Variants in EDEM3 observed in about 807,000 individuals in gnomAD.
EDEM3 encodes the protein ER degradation-enhancing alpha-mannosidase-like protein 3.
Under a neutral mutation model 110.2 loss-of-function variants are expected in EDEM3, and 60 were observed. The ratio of observed to expected loss-of-function variants is 0.54; its 90% CI spans 0.44 to 0.67. EDEM3 has a LOEUF of 0.67. Among genes scored for constraint, EDEM3 ranks in the 30% least tolerant of loss-of-function variants. The pLI, the probability that EDEM3 is intolerant of heterozygous loss-of-function variation, is 0.00. For synonymous variants in EDEM3, 352 were observed against 382.9 expected, an observed-to-expected ratio of 0.92 and a Z score of 0.94; for missense variants, 996 against 1,121.0, an observed-to-expected ratio of 0.89 and a Z score of 1.59.
chr1:184,750,488 C>CA (rs1652696267), intron 1 of EDEM3, among the ~76,000 whole-genome samples: 1 of 151,250 alleles, frequency 6.6e-6, no homozygotes, highest in Non-Finnish European at 1.5e-5. Context: ...CAAAGGAAAA[C>CA]ACAGCTTAAC....
chr1:184,720,558 GGA>G (rs1650841675), intron 9 of EDEM3: 1 of 143,480 alleles, frequency 7.0e-6, no homozygotes, highest in African/African-American at 2.7e-5. Context: ...CGCCCAGGCT[GGA>G]GTGCAGTGGC....
In EDEM3 at chr1:184,708,815, T is replaced by C. The variant is rs548816279; in HGVS notation, c.1846-471A>G. On this transcript the variant is annotated intron_variant, in intron 16 of 19. Transcript: ENST00000318130. ...GAGACAGTCCTTTAAGAAATTTGTG[T>C]CTGGAGGAGAAAGACATGTAAAGTT... is the stretch of plus-strand genomic sequence containing the variant. Among the ~76,000 whole-genome samples the C allele has an allele frequency of 1.4e-4, 22 of 152,342 alleles. No individual in the cohort carries two copies. The South Asian group carries it at 4.6e-3, about 32-fold the overall frequency.
intron 18 of EDEM3, among the ~76,000 whole-genome samples, chr1:184,704,581 T>C (rs575287564): frequency 1.1e-4 from 13 of 120,106 alleles, no homozygotes; most frequent in African/African-American, 4.2e-4. Context: ...AACCTAGAGG[T>C]GGAGGTTGTA....
Position 184,691,401 on chromosome 1 carries a change from A to G in EDEM3, c.*2662T>C, listed in dbSNP as rs1001986340. 1.3e-5 allele frequency: 2 copies of G among 152,506 alleles called. No individual in the cohort carries two copies. The highest frequency in any genetic ancestry group is 4.8e-5 in the African/African-American group (2 of 41,454). The allele number at this position is 152,506 out of a possible 1,614,324, so 9.4% of individuals were successfully genotyped here. A position where few individuals can be genotyped will look rare whatever the true frequency, so the allele number is the denominator to read the frequency against. On this transcript the variant is annotated 3_prime_UTR_variant, in exon 20 of 20. Coordinates refer to ENST00000318130, the MANE Select transcript of EDEM3 (RefSeq NM_025191.4). Reference sequence around the variant, plus strand: ...TAAATACTTGCTCTAATATCTCTTAAAGGATTTCAGCTAAAATCCTTGATT... The same window carrying G: ...TAAATACTTGCTCTAATATCTCTTAGAGGATTTCAGCTAAAATCCTTGATT...
At position 184,723,865 on chromosome 1, in the gene EDEM3, TAA is replaced by T. The variant is rs71101940; in HGVS notation, c.748-11_748-10del. Reference sequence around the variant, plus strand: ...GCTTTTCTGGCATATTCCTGTAATTTAAAAAAAAAAAAAAAAAAAAGAAGTGC... The same window carrying T: ...GCTTTTCTGGCATATTCCTGTAATTTAAAAAAAAAAAAAAAAAAGAAGTGC... On this transcript the variant is annotated splice_polypyrimidine_tract_variant and intron_variant, in intron 7 of 19. Transcript: ENST00000318130. 0.019 allele frequency: 20,347 copies of T among 1,072,490 alleles called. No homozygotes were observed. Among genetic ancestry groups the T allele is most frequent in the South Asian group, 0.033 (1,666 of 50,788 alleles). 66.4% of individuals were successfully genotyped at this position (1,072,490 alleles called of 1,614,324 possible).
rs71101940 is a variant in EDEM3, at chr1:184,723,865, T to TAA, written c.748-11_748-10dup. ...GCTTTTCTGGCATATTCCTGTAATT[T>TAA]AAAAAAAAAAAAAAAAAAAAGAAGT... On this transcript the variant is annotated splice_polypyrimidine_tract_variant and intron_variant, in intron 7 of 19. Coordinates refer to ENST00000318130, the MANE Select transcript of EDEM3 (RefSeq NM_025191.4). The TAA allele has an allele frequency of 0.051, 54,889 of 1,081,314 alleles. 783 individuals are homozygous for TAA. The highest frequency in any genetic ancestry group is 0.17 in the African/African-American group (8,526 of 50,626). 67.0% of individuals were successfully genotyped at this position (1,081,314 alleles called of 1,614,324 possible).
chr1:184,749,402 C>T (rs544844009), intron 2 of EDEM3, 145 bp downstream of exon 2: 7 of 636,692 alleles, frequency 1.1e-5, no homozygotes, highest in South Asian at 8.1e-5. Context: ...AAAACCACTA[C>T]CAGAAAGACT....
At chr1:184,703,043 A>G in intron 18 of EDEM3, 47 bp from the exon 19 acceptor site, 1 of 1,449,060 alleles carries the variant, frequency 6.9e-7, no homozygotes, top group African/African-American at 1.4e-5. Flanking sequence ...CCAGCCATTA[A>G]AAAGATCTAT....
At chr1:184,736,877 A>G in intron 4 of EDEM3, 148 bp downstream of exon 4, 1 of 616,922 alleles carries the variant, frequency 1.6e-6, no homozygotes. Flanking sequence ...CATCAACTCA[A>G]CAGTGTAAAA....
At chr1:184,704,697 T>G (rs1649820236) in intron 18 of EDEM3, among the ~76,000 whole-genome samples, 1 of 108,976 alleles carries the variant, frequency 9.2e-6, no homozygotes, top group African/African-American at 3.6e-5. Context: ...AGAGTAAGGA[T>G]CATCATCTCT....
intron 2 of EDEM3, among the ~76,000 whole-genome samples, chr1:184,742,089 A>G (rs916874077): frequency 1.3e-5 from 2 of 152,150 alleles, no homozygotes; most frequent in African/African-American, 4.8e-5. Context: ...TTCCAAACTC[A>G]TAGCAAATTA....
At position 184,693,248 on chromosome 1, in the gene EDEM3, G is replaced by T; in HGVS notation, c.*815C>A. ...TAATGCTAGGTTCCATTTCAGAGTAGTCACAGCTTTCCCTATGGAAGGCCC... is the reference window on the plus strand; with the variant it reads ...TAATGCTAGGTTCCATTTCAGAGTATTCACAGCTTTCCCTATGGAAGGCCC... On this transcript the variant is annotated 3_prime_UTR_variant, in exon 20 of 20. Transcript: ENST00000318130. 6.5e-6 allele frequency: 1 copy of T among 154,918 alleles called. No homozygotes were observed. The highest frequency in any genetic ancestry group is 5.2e-4 in the Middle Eastern group (1 of 1,924). 9.6% of individuals were successfully genotyped at this position (154,918 alleles called of 1,614,324 possible).
rs1174115414 is a variant in EDEM3, at chr1:184,693,088, TA to T, written c.*974del. ...AGACAGAAAAATGGAACAAAATGTA[TA>T]TAGCTGTTGGCGATACGAGCCTTGT... On this transcript the variant is annotated 3_prime_UTR_variant, in exon 20 of 20. Transcript: ENST00000318130. 6.5e-6 allele frequency: 1 copy of T among 154,910 alleles called. No individual in the cohort carries two copies. The highest frequency in any genetic ancestry group is 1.5e-5 in the Non-Finnish European group (1 of 68,234). The allele number at this position is 154,910 out of a possible 1,614,324, so 9.6% of individuals were successfully genotyped here. A position where few individuals can be genotyped will look rare whatever the true frequency, so the allele number is the denominator to read the frequency against.
At chr1:184,711,632 C>T (rs1650237457) in intron 15 of EDEM3, 91 bp downstream of exon 15, 1 of 1,237,622 alleles carries the variant, frequency 8.1e-7, no homozygotes, top group African/African-American at 1.6e-5. Flanking sequence ...ATGTGAATGT[C>T]TTCTTGGCTG....
intron 15 of EDEM3, 108 bp from the exon 16 acceptor site, chr1:184,710,655 C>A: frequency 1.6e-6 from 2 of 1,275,808 alleles, no homozygotes; most frequent in Non-Finnish European, 2.1e-6. Flanking sequence ...AGTTTTAGAA[C>A]TAGTGAAACT....
chr1:184,734,247 T>C (rs1651698903), intron 5 of EDEM3, among the ~76,000 whole-genome samples: 2 of 152,188 alleles, frequency 1.3e-5, no homozygotes, highest in Non-Finnish European at 2.9e-5. Context: ...GGCAGGCAGA[T>C]CACTTAAGGT....
intron 3 of EDEM3, among the ~76,000 whole-genome samples, 193 bp downstream of exon 3, chr1:184,737,418 T>A (rs951214796): frequency 2.6e-5 from 4 of 152,248 alleles, no homozygotes; most frequent in African/African-American, 9.6e-5. Flanking sequence ...CTAACTTTTC[T>A]CTGATCCAAG....
intron 5 of EDEM3, among the ~76,000 whole-genome samples, chr1:184,733,447 CAA>C (rs984702079): frequency 1.3e-5 from 2 of 152,134 alleles, no homozygotes; most frequent in Non-Finnish European, 2.9e-5. Flanking sequence ...CTCACTTTGA[CAA>C]AGAGGAGTTA....
intron 9 of EDEM3, chr1:184,720,647 C>T (rs1441246327): frequency 6.6e-6 from 1 of 152,114 alleles, no homozygotes; most frequent in African/African-American, 2.4e-5. Context: ...CCATGTCATA[C>T]TGTCTCATAC....
Sources: gnomAD v4.1 joint callset for allele counts (sites outside exome capture counted in the v4.1 genomes callset) on GRCh38, gnomAD v4.1.1 for gene constraint, MANE v1.5 for transcripts, NCBI Gene and HGNC (gene_info 2026-07-23, HGNC 2026-07-21) for gene names.